CDH13: variants seen among roughly 807,000 people sequenced by gnomAD.
The protein encoded by CDH13 is cadherin 13, also known as cadherin-13.
Under a neutral mutation model 63.8 loss-of-function variants are expected in CDH13, and 24 were observed. The ratio of observed to expected loss-of-function variants is 0.38; its 90% CI spans 0.27 to 0.53. CDH13 has a LOEUF of 0.53. Ranked by LOEUF, CDH13 falls within the 20% of genes least tolerant of loss-of-function variation. The probability of loss-of-function intolerance (pLI) is 0.85; values close to 1 mark genes in which losing one functional copy is unlikely to be tolerated. For missense variants in CDH13, 1,049 were observed against 903.1 expected (o/e 1.16, Z -2.07); for synonymous variants, 503 against 355.3 (o/e 1.42, Z -4.67).
chr16:83,136,144 A>T (rs1266650530), intron 4 of CDH13, among the ~76,000 whole-genome samples: 2 of 150,444 alleles, frequency 1.3e-5, no homozygotes, highest in East Asian at 3.9e-4. Context: ...GTAACCAAAC[A>T]CCACCTGTAC....
intron 4 of CDH13, among the ~76,000 whole-genome samples, chr16:83,192,848 GC>G (rs1007251633): frequency 3.6e-4 from 55 of 152,220 alleles, no homozygotes; most frequent in African/African-American, 1.1e-3. Flanking sequence ...TCGACTCGGG[GC>G]GAACAGTGCA....
intron 3 of CDH13, among the ~76,000 whole-genome samples, chr16:83,096,747 G>T (rs2034217876): frequency 6.6e-6 from 1 of 152,148 alleles, no homozygotes; most frequent in South Asian, 2.1e-4. Context: ...TCGTAATTAT[G>T]TGCAATATTT....
chr16:83,197,865 C>G (rs1046358527), intron 4 of CDH13, among the ~76,000 whole-genome samples: 5 of 151,352 alleles, frequency 3.3e-5, no homozygotes, highest in African/African-American at 1.2e-4. Context: ...AATGGCAAAT[C>G]TGAATAAGAT....
chr16:82,827,571 C>G (rs554310730), intron 1 of CDH13, among the ~76,000 whole-genome samples: 25 of 152,264 alleles, frequency 1.6e-4, no homozygotes, highest in Middle Eastern at 3.4e-3. Context: ...TAGAGTCAAT[C>G]TGTAGACAAA....
At chr16:83,457,880 A>G (rs951997403) in intron 6 of CDH13, among the ~76,000 whole-genome samples, 1 of 152,144 alleles carries the variant, frequency 6.6e-6, no homozygotes, top group African/African-American at 2.4e-5. Flanking sequence ...CTAAATTTGC[A>G]TTTTCAAAAG....
chr16:83,355,807 G>T (rs964062845), intron 6 of CDH13, among the ~76,000 whole-genome samples: 8 of 152,200 alleles, frequency 5.3e-5, no homozygotes, highest in African/African-American at 1.9e-4. Flanking sequence ...ACACAGGGGA[G>T]CATCTCTCTA....
chr16:82,956,220 C>G (rs529828550), intron 2 of CDH13, among the ~76,000 whole-genome samples: 1 of 152,230 alleles, frequency 6.6e-6, no homozygotes, highest in South Asian at 2.1e-4. Context: ...CACCTACCCT[C>G]TAGTCAGGCA....
At chr16:83,331,958 G>C (rs1028221565) in intron 5 of CDH13, among the ~76,000 whole-genome samples, 1 of 151,934 alleles carries the variant, frequency 6.6e-6, no homozygotes, top group African/African-American at 2.4e-5. Flanking sequence ...GCACATATCA[G>C]GCTAAATTTC....
intron 5 of CDH13, among the ~76,000 whole-genome samples, chr16:83,248,558 A>G (rs533890867): frequency 1.3e-5 from 2 of 152,276 alleles, no homozygotes; most frequent in South Asian, 4.2e-4. Flanking sequence ...TCTACAATGT[A>G]GTACATCTCT....
intron 3 of CDH13, among the ~76,000 whole-genome samples, chr16:83,123,470 G>A (rs140536916): frequency 0.031 from 4,674 of 151,958 alleles, 97 homozygotes; most frequent in Non-Finnish European, 0.041. Context: ...GTAGAGACGA[G>A]GTTTCTCCAT....
At chr16:83,434,425 G>C (rs989293898) in intron 6 of CDH13, among the ~76,000 whole-genome samples, 6 of 152,050 alleles carry the variant, frequency 3.9e-5, no homozygotes, top group Admixed American at 1.3e-4. Flanking sequence ...GAAATATAAA[G>C]CAGTGTCTAT....
At chr16:82,963,198 C>T (rs1041207481) in intron 2 of CDH13, among the ~76,000 whole-genome samples, 6 of 149,134 alleles carry the variant, frequency 4.0e-5, no homozygotes, top group African/African-American at 1.3e-4. Flanking sequence ...TGGTGAAACC[C>T]CATCTCTACT....
At chr16:82,882,299 C>G (rs1180357849) in intron 2 of CDH13, among the ~76,000 whole-genome samples, 2 of 152,158 alleles carry the variant, frequency 1.3e-5, no homozygotes, top group Admixed American at 1.3e-4. Context: ...AGGAATCCTT[C>G]CAGCCTGGGT....
At chr16:83,244,066 C>T (rs1322900086) in intron 5 of CDH13, among the ~76,000 whole-genome samples, 1 of 152,004 alleles carries the variant, frequency 6.6e-6, no homozygotes, top group Admixed American at 6.6e-5. Flanking sequence ...AAATTAGAAA[C>T]ATACATAGGT....
chr16:83,542,853 A>C (rs2075319415), intron 7 of CDH13, among the ~76,000 whole-genome samples: 1 of 152,216 alleles, frequency 6.6e-6, no homozygotes, highest in Non-Finnish European at 1.5e-5. Flanking sequence ...GCCCGTGCTC[A>C]TGACCTCATT....
At chr16:83,331,877 T>C (rs2090487768) in intron 5 of CDH13, among the ~76,000 whole-genome samples, 1 of 152,148 alleles carries the variant, frequency 6.6e-6, no homozygotes, top group South Asian at 2.1e-4. Flanking sequence ...TTGATTGTAG[T>C]TTTTTCTATC....
chr16:83,677,685 TG>T (rs764156899), intron 9 of CDH13, among the ~76,000 whole-genome samples: 18 of 152,184 alleles, frequency 1.2e-4, no homozygotes, highest in Non-Finnish European at 2.9e-5. Context: ...TTGGTTTTCC[TG>T]TTCCATTTGA....
intron 7 of CDH13, among the ~76,000 whole-genome samples, chr16:83,487,877 T>C (rs1164767120): frequency 2.0e-5 from 3 of 152,248 alleles, no homozygotes; most frequent in Non-Finnish European, 4.4e-5. Flanking sequence ...CAAGAGATTC[T>C]GGATTACATC....
chr16:83,363,282 G>C (rs556676864), intron 6 of CDH13, among the ~76,000 whole-genome samples: 1 of 152,308 alleles, frequency 6.6e-6, no homozygotes, highest in African/African-American at 2.4e-5. Context: ...ATCTCTGTGA[G>C]TCTTTGGACT....
Sources: gnomAD v4.1 joint callset for allele counts (sites outside exome capture counted in the v4.1 genomes callset) on GRCh38, gnomAD v4.1.1 for gene constraint, MANE v1.5 for transcripts, NCBI Gene and HGNC (gene_info 2026-07-23, HGNC 2026-07-21) for gene names.